The following OXCT1 variants were observed in gnomAD, a reference collection of about 807,000 sequenced individuals.
OXCT1 encodes the protein 3-oxoacid CoA-transferase 1.
In OXCT1, 27 loss-of-function variants were observed where a neutral mutation model predicts 69.6. The observed-to-expected ratio is 0.39, with a 90% CI of 0.29 to 0.54. OXCT1 has a LOEUF of 0.54. Among genes scored for constraint, OXCT1 ranks in the 20% least tolerant of loss-of-function variants. The probability of loss-of-function intolerance (pLI) is 0.72; values close to 1 mark genes in which losing one functional copy is unlikely to be tolerated. For missense variants in OXCT1, 437 were observed against 650.2 expected (o/e 0.67, Z 3.57); for synonymous variants, 202 against 217.8 (o/e 0.93, Z 0.64).
intron 1 of OXCT1, among the ~76,000 whole-genome samples, chr5:41,867,802 G>A (rs1386840874): frequency 6.6e-6 from 1 of 152,220 alleles, no homozygotes; most frequent in Admixed American, 6.5e-5. Flanking sequence ...TGAATGGTGG[G>A]TAAAGTGTTA....
chr5:41,841,704 T>C (rs928370226), intron 6 of OXCT1, among the ~76,000 whole-genome samples: 2 of 152,232 alleles, frequency 1.3e-5, no homozygotes, highest in African/African-American at 2.4e-5. Flanking sequence ...GTTAATCTTT[T>C]TTAAAAAGCA....
intron 9 of OXCT1, among the ~76,000 whole-genome samples, chr5:41,803,645 T>C (rs1472564370): frequency 6.6e-6 from 1 of 152,100 alleles, no homozygotes; most frequent in African/African-American, 2.4e-5. Flanking sequence ...CCTAAAAGTA[T>C]ATCAGATCCT....
At chr5:41,794,601 C>T (rs1746086086) in intron 12 of OXCT1, 76 bp downstream of exon 12, 2 of 1,331,014 alleles carry the variant, frequency 1.5e-6, no homozygotes, top group Non-Finnish European at 1.1e-6. Context: ...TGTTTCAGAG[C>T]CTTGCTAACA....
At chr5:41,858,737 TAAAC>T (rs1408536817) in intron 3 of OXCT1, among the ~76,000 whole-genome samples, 14 of 152,206 alleles carry the variant, frequency 9.2e-5, no homozygotes, top group Admixed American at 9.2e-4. Context: ...CAAAATAAGA[TAAAC>T]AAAAATAAAG....
rs545815533 is a variant in OXCT1, at chr5:41,740,597, C to T, written c.1420-1106G>A. Among the ~76,000 whole-genome samples, 7 of 152,310 alleles carry T rather than the reference C, an allele frequency of 4.6e-5. No individual in the cohort carries two copies. The East Asian group carries it at 1.4e-3, about 29-fold the overall frequency. On this transcript the variant is annotated intron_variant, in intron 15 of 16. Transcript: ENST00000196371. Reference sequence around the variant, plus strand: ...CATGCTTTCACACTTAGAAATATAACTCAAGTGGAAGTGACCTACGAGGTC... The same window carrying T: ...CATGCTTTCACACTTAGAAATATAATTCAAGTGGAAGTGACCTACGAGGTC...
At chr5:41,739,629 G>A in intron 15 of OXCT1, 138 bp from the exon 16 acceptor site, 2 of 660,166 alleles carry the variant, frequency 3.0e-6, no homozygotes, top group Non-Finnish European at 5.6e-6. Flanking sequence ...ATTTTGGTAG[G>A]CTTAGGTGGG....
intron 2 of OXCT1, among the ~76,000 whole-genome samples, chr5:41,861,913 C>A (rs1226265046): frequency 1.3e-5 from 2 of 152,106 alleles, no homozygotes; most frequent in African/African-American, 2.4e-5. Flanking sequence ...CATTATTTAT[C>A]AGAAGCAGGC....
At position 41,801,026 on chromosome 5, in the gene OXCT1, A is replaced by C; in HGVS notation, c.1095T>G (p.Asn365Lys). ...RQHEADADLI[N>K]AGKETVTILP... ...GCTAGAAATAAGTGAGCTTACCTGC[A>C]TTGATGAGATCTGCATCAGCTTCAT... The change falls in exon 11 of 17, where the codon AAT becomes AAG. Residue 365 changes from asparagine to lysine, a missense_variant. Around this residue, in one of 4 missense-constraint regions of OXCT1, gnomAD observed 252 missense variants for 397.4 expected, o/e 0.63. Transcript: ENST00000196371. The C allele has an allele frequency of 6.2e-7, 1 of 1,612,332 alleles. No homozygotes were observed. Among genetic ancestry groups the C allele is most frequent in the Middle Eastern group, 1.7e-4 (1 of 6,058 alleles).
intron 16 of OXCT1, among the ~76,000 whole-genome samples, chr5:41,733,735 A>G (rs1742754815): frequency 6.6e-6 from 1 of 152,216 alleles, no homozygotes; most frequent in Non-Finnish European, 1.5e-5. Context: ...CAAAAATAAG[A>G]TAACGCTTTA....
chr5:41,818,852 A>C (rs1394954019), intron 7 of OXCT1, among the ~76,000 whole-genome samples: 1 of 152,046 alleles, frequency 6.6e-6, no homozygotes, highest in Non-Finnish European at 1.5e-5. Flanking sequence ...TCATTTATAT[A>C]AGCCATGACT....
intron 7 of OXCT1, among the ~76,000 whole-genome samples, chr5:41,829,797 C>T (rs900578906): frequency 3.2e-4 from 48 of 152,212 alleles, no homozygotes; most frequent in South Asian, 8.3e-4. Flanking sequence ...CAAATATTAA[C>T]GTAACAGTAA....
chr5:41,731,912 TC>T, intron 16 of OXCT1, 142 bp from the exon 17 acceptor site: 1 of 1,062,984 alleles, frequency 9.4e-7, no homozygotes, highest in Non-Finnish European at 1.4e-6. Flanking sequence ...TGATTTTCCA[TC>T]CTGAAACATT....
intron 15 of OXCT1, among the ~76,000 whole-genome samples, chr5:41,744,662 T>C (rs957568304): frequency 6.6e-6 from 1 of 151,994 alleles, no homozygotes; most frequent in African/African-American, 2.4e-5. Context: ...TTATTGAGAG[T>C]TTTTAGCATG....
At chr5:41,826,778 C>T (rs1747826686) in intron 7 of OXCT1, among the ~76,000 whole-genome samples, 1 of 152,142 alleles carries the variant, frequency 6.6e-6, no homozygotes, top group African/African-American at 2.4e-5. Flanking sequence ...CCGACCTCCC[C>T]TCTAAGCACT....
At chr5:41,869,778 G>T (rs1162480134) in intron 1 of OXCT1, among the ~76,000 whole-genome samples, 1 of 152,154 alleles carries the variant, frequency 6.6e-6, no homozygotes, top group Non-Finnish European at 1.5e-5. Context: ...CAGCCCCGGT[G>T]AACTCGAGCA....
chr5:41,869,553 T>C (rs1237249126), intron 1 of OXCT1, among the ~76,000 whole-genome samples: 4 of 152,088 alleles, frequency 2.6e-5, no homozygotes, highest in Non-Finnish European at 5.9e-5. Flanking sequence ...TTCAAAGGGC[T>C]CTGAAAACCG....
chr5:41,803,038 C>T (rs1318250651), intron 10 of OXCT1, 31 bp downstream of exon 10: 4 of 1,453,198 alleles, frequency 2.8e-6, no homozygotes, highest in Non-Finnish European at 3.9e-6. Flanking sequence ...TTCATTAAGA[C>T]TGGATTTTAG....
rs534863293 is a variant in OXCT1 at position 41,826,897 on chromosome 5, C to T, written c.732+13554G>A. Among the ~76,000 whole-genome samples the T allele has an allele frequency of 3.3e-5, 5 of 152,270 alleles. No individual in the cohort carries two copies. In the South Asian group the frequency reaches 8.3e-4, roughly 25 times the overall value. On this transcript the variant is annotated intron_variant, in intron 7 of 16. Transcript: ENST00000196371. ...CTCCAACAGGATCATCCCAGGTTTC[C>T]CCGTCTCAGTAAGTGATGTATCATT...
Position 41,749,538 on chromosome 5 carries a change from T to C in OXCT1, c.1408A>G (p.Ile470Val). 6.2e-7 allele frequency: 1 copy of C among 1,604,762 alleles called. No homozygotes were observed. Among genetic ancestry groups the C allele is most frequent in the Non-Finnish European group, 8.5e-7 (1 of 1,172,424 alleles). ...LTGKQCVNRI[I>V]TEKAVFDVDK... Reference sequence around the variant, plus strand: ...AAAGCACTTTTTACCTTTTCAGTAATAATGCGGTTGACACATTGCTTTCCA... The same window carrying C: ...AAAGCACTTTTTACCTTTTCAGTAACAATGCGGTTGACACATTGCTTTCCA... The change falls in exon 15 of 17, where the codon ATT becomes GTT. Residue 470 changes from isoleucine (I) to valine (V), a missense_variant. Coordinates refer to ENST00000196371, the MANE Select transcript of OXCT1 (RefSeq NM_000436.4).
Sources: gnomAD v4.1 joint callset for allele counts (sites outside exome capture counted in the v4.1 genomes callset) on GRCh38, gnomAD v4.1.1 for gene constraint, gnomAD v4.1.1 regional missense constraint, MANE v1.5 for transcripts, NCBI Gene and HGNC (gene_info 2026-07-23, HGNC 2026-07-21) for gene names.